PRRC2B: variants seen among roughly 807,000 people sequenced by gnomAD.
The protein encoded by PRRC2B is proline rich coiled-coil 2B.
In PRRC2B, 68 loss-of-function variants were observed where a neutral mutation model predicts 242.3. That is an observed-to-expected ratio of 0.28 (90% CI 0.23 to 0.34). PRRC2B has a LOEUF of 0.34. Ranked by LOEUF, PRRC2B falls within the 10% of genes least tolerant of loss-of-function variation. The pLI, the probability that PRRC2B is intolerant of heterozygous loss-of-function variation, is 1.00. For missense variants in PRRC2B, 2,835 were observed against 2,954.8 expected, an observed-to-expected ratio of 0.96 and a Z score of 0.94; for synonymous variants, 1,228 against 1,173.6, an observed-to-expected ratio of 1.05 and a Z score of -0.95.
intron 1 of PRRC2B, among the ~76,000 whole-genome samples, chr9:131,375,854 G>T (rs1836676567): frequency 1.3e-5 from 2 of 151,884 alleles, no homozygotes; most frequent in African/African-American, 4.8e-5. Context: ...TTCAAGACCA[G>T]CCTGGCCATT....
At chr9:131,405,790 C>A (rs1363867694) in intron 1 of PRRC2B, among the ~76,000 whole-genome samples, 1 of 152,160 alleles carries the variant, frequency 6.6e-6, no homozygotes, top group Non-Finnish European at 1.5e-5. Context: ...GCCCCCTCTT[C>A]CTGGTGGAGA....
At chr9:131,427,488 G>A (rs903147548) in intron 1 of PRRC2B, among the ~76,000 whole-genome samples, 6 of 152,006 alleles carry the variant, frequency 3.9e-5, no homozygotes, top group African/African-American at 1.4e-4. Context: ...CCACCACCAC[G>A]CCTGGCTAAT....
chr9:131,422,689 A>G (rs1313975845), intron 1 of PRRC2B, among the ~76,000 whole-genome samples: 1 of 152,248 alleles, frequency 6.6e-6, no homozygotes, highest in Non-Finnish European at 1.5e-5. Flanking sequence ...GACAGATAGC[A>G]GGAACCTGTT....
chr9:131,393,889 C>G (rs927041244), upstream of PRRC2B, among the ~76,000 whole-genome samples: 1 of 151,066 alleles, frequency 6.6e-6, no homozygotes, highest in Non-Finnish European at 1.5e-5. Context: ...AGCCCCCTCC[C>G]GCCGCTCCCC....
At chr9:131,485,906 C>T (rs959580562) in intron 25 of PRRC2B, among the ~76,000 whole-genome samples, 179 bp from the exon 26 acceptor site, 22 of 152,124 alleles carry the variant, frequency 1.4e-4, no homozygotes, top group Admixed American at 5.2e-4. Context: ...GCGTGCCAGG[C>T]GTGTTGTGAG....
Position 131,475,922 on chromosome 9 carries a change from G to T in PRRC2B, c.3793G>T (p.Ala1265Ser), listed in dbSNP as rs778987964. Reference sequence around the variant, plus strand: ...CCCAGATTCCTACAGACACCCTGACGCATTTGGTGGCCGGGGCTTTGAGGA... The same window carrying T: ...CCCAGATTCCTACAGACACCCTGACTCATTTGGTGGCCGGGGCTTTGAGGA... ...YVPDSYRHPD[A>S]FGGRGFEDSR... is the part of the protein sequence containing the mutation. Residue 1265 changes from alanine (A) to serine (S), a missense_variant, in exon 16 of 32, where the codon GCA (alanine) becomes TCA (serine). Ala to Ser is a moderately conservative substitution (Grantham distance 99, BLOSUM62 1). Transcript: ENST00000683519. The T allele has an allele frequency of 1.2e-6, 2 of 1,613,776 alleles. No individual in the cohort carries two copies. The highest frequency in any genetic ancestry group is 1.7e-5 in the Admixed American group (1 of 60,008).
At chr9:131,492,398 G>A (rs950669626) in intron 30 of PRRC2B, 138 bp downstream of exon 30, 4 of 646,214 alleles carry the variant, frequency 6.2e-6, no homozygotes, top group African/African-American at 5.4e-5. Flanking sequence ...TCACTGTGGT[G>A]TTTCAGCACT....
intron 30 of PRRC2B, among the ~76,000 whole-genome samples, chr9:131,493,826 C>G (rs1465149428): frequency 1.3e-5 from 2 of 152,054 alleles, no homozygotes; most frequent in Non-Finnish European, 2.9e-5. Context: ...GTTGAGAGTC[C>G]TGTTGAACTC....
rs1210012408 is a variant in PRRC2B at position 131,464,249 on chromosome 9, TTAA to T, written c.1405-510_1405-508del. ...GAGCCACTGCGCCCAGCCAACATGC[TTAA>T]TAAAGATCACTTCGAAGCTTTATGT... On this transcript the variant is annotated intron_variant, in intron 11 of 31. Transcript: ENST00000683519. Among the ~76,000 whole-genome samples, 3 of 152,326 alleles carry T rather than the reference TTAA, an allele frequency of 2.0e-5. No individual in the cohort carries two copies. The East Asian group carries it at 5.8e-4, about 29-fold the overall frequency.
intron 13 of PRRC2B, among the ~76,000 whole-genome samples, chr9:131,470,279 C>T (rs952138286): frequency 6.6e-6 from 1 of 152,126 alleles, no homozygotes; most frequent in Non-Finnish European, 1.5e-5. Context: ...GGTGGAGAAC[C>T]ACTGAAGGCT....
At chr9:131,439,195 G>T in intron 5 of PRRC2B, 134 bp downstream of exon 5, 1 of 728,826 alleles carries the variant, frequency 1.4e-6, no homozygotes, top group South Asian at 1.7e-5. Flanking sequence ...ACCGTCTATG[G>T]AGCCCTTGCC....
Position 131,377,507 on chromosome 9 carries a change from TTG to T in PRRC2B, c.-56+3795_-56+3796del, listed in dbSNP as rs142704380. 2.5e-3 allele frequency among the ~76,000 whole-genome samples: 381 copies of T among 150,338 alleles called. 1 individual carries two copies. Among genetic ancestry groups the T allele is most frequent in the African/African-American group, 7.9e-3 (324 of 41,122 alleles). ...TTTTATTTAATTTTTCCTTTTTCTTTTGTGTGTGTGTGTGTGTGTGATGGCAT... is the reference window on the plus strand; with the variant it reads ...TTTTATTTAATTTTTCCTTTTTCTTTTGTGTGTGTGTGTGTGTGATGGCAT... On this transcript the variant is annotated intron_variant, in intron 1 of 1. Coordinates refer to the PRRC2B transcript ENST00000682525.
At chr9:131,380,667 G>A (rs1051126982) in intron 1 of PRRC2B, among the ~76,000 whole-genome samples, 3 of 150,648 alleles carry the variant, frequency 2.0e-5, no homozygotes, top group Admixed American at 1.3e-4. Flanking sequence ...TTACGAGGTC[G>A]GGAGTTTGAG....
chr9:131,394,579 C>A (rs1257607635), intron 1 of PRRC2B, among the ~76,000 whole-genome samples: 2 of 150,858 alleles, frequency 1.3e-5, no homozygotes, highest in East Asian at 2.0e-4. Flanking sequence ...CGCCCGCCAC[C>A]CCCGTACCCC....
intron 1 of PRRC2B, among the ~76,000 whole-genome samples, chr9:131,398,536 C>T (rs1242432204): frequency 2.6e-5 from 4 of 152,176 alleles, no homozygotes; most frequent in African/African-American, 7.2e-5. Context: ...CCGTCTGGAC[C>T]GTCTTCCTCC....
rs752246276 is a variant in PRRC2B at position 131,475,705 on chromosome 9, T to A, written c.3576T>A (p.Asp1192Glu). 31 of 1,612,984 alleles carry A rather than the reference T, an allele frequency of 1.9e-5. No homozygotes were observed. Among genetic ancestry groups the A allele is most frequent in the African/African-American group, 2.7e-5 (2 of 74,930 alleles). The change falls in exon 16 of 32, where the codon GAT (aspartate) becomes GAA (glutamate). Residue 1192 changes from aspartate (D) to glutamate (E), a missense_variant. Physicochemically the swap from Asp to Glu is conservative, Grantham distance 45. This residue lies in a region of PRRC2B where 1,536 missense variants were observed against 1,483.1 expected (regional missense o/e 1.04). Transcript: ENST00000683519. ...GCTCTGAGGACCACAGCGGTCTAGA[T>A]GCCAAGAGCCGAGGCCCTCGGGCCT... is the stretch of plus-strand genomic sequence containing the variant. ...KGCSEDHSGL[D>E]AKSRGPRAFG...
At chr9:131,381,407 A>G (rs1251047236) in intron 1 of PRRC2B, among the ~76,000 whole-genome samples, 1 of 144,446 alleles carries the variant, frequency 6.9e-6, no homozygotes, top group African/African-American at 2.5e-5. Flanking sequence ...AGAGTTTCCA[A>G]GTTCTGGTTC....
At chr9:131,444,834 G>A (rs572204034) in intron 6 of PRRC2B, among the ~76,000 whole-genome samples, 2 of 152,236 alleles carry the variant, frequency 1.3e-5, no homozygotes, top group South Asian at 4.2e-4. Flanking sequence ...CTCATCTTAG[G>A]TCGGGCCAGG....
intron 1 of PRRC2B, among the ~76,000 whole-genome samples, chr9:131,415,100 C>T (rs772448370): frequency 1.3e-5 from 2 of 152,032 alleles, no homozygotes; most frequent in Admixed American, 6.6e-5. Context: ...TTAAGCGATT[C>T]TCCTGTTTTC....
Sources: gnomAD v4.1 joint callset for allele counts (sites outside exome capture counted in the v4.1 genomes callset) on GRCh38, gnomAD v4.1.1 for gene constraint, gnomAD v4.1.1 regional missense constraint, MANE v1.5 for transcripts, NCBI Gene and HGNC (gene_info 2026-07-23, HGNC 2026-07-21) for gene names.